Variants in MTBP observed in about 807,000 individuals in gnomAD.
MTBP encodes mdm2-binding protein.
In MTBP, 101 loss-of-function variants were observed where a neutral mutation model predicts 117.0. The observed-to-expected ratio is 0.86, with a 90% CI of 0.73 to 1.02. The LOEUF is 1.02. MTBP is among the 50% of genes least tolerant of loss of function. MTBP has a pLI of 0.00. For missense variants in MTBP, 970 were observed against 1,030.9 expected (o/e 0.94, Z 0.81); for synonymous variants, 350 against 351.5 (o/e 1.00, Z 0.05).
intron 20 of MTBP, among the ~76,000 whole-genome samples, chr8:120,520,960 A>C (rs1814999894): frequency 6.6e-6 from 1 of 152,144 alleles, no homozygotes; most frequent in African/African-American, 2.4e-5. Context: ...CTAGAAGATG[A>C]AGTTCAACAG....
intron 10 of MTBP, among the ~76,000 whole-genome samples, chr8:120,467,789 A>T (rs1813729897): frequency 6.6e-6 from 1 of 152,178 alleles, no homozygotes; most frequent in African/African-American, 2.4e-5. Flanking sequence ...TGACAATTTT[A>T]TTTTGTAGGG....
In MTBP at chr8:120,475,005, C is replaced by T. The variant is rs928107694; in HGVS notation, c.1165+4068C>T. 3.9e-5 allele frequency among the ~76,000 whole-genome samples: 6 copies of T among 152,116 alleles called. No individual in the cohort carries two copies. The East Asian group carries it at 7.7e-4, about 20-fold the overall frequency. ...CTGCTTTTTCAACAGATATTTTTATCGAGCACTTACAATATATTAGGCACT... is the reference window on the plus strand; with the variant it reads ...CTGCTTTTTCAACAGATATTTTTATTGAGCACTTACAATATATTAGGCACT... On this transcript the variant is annotated intron_variant, in intron 11 of 21. Transcript: ENST00000305949.
In MTBP at chr8:120,506,802, G is replaced by A; in HGVS notation, c.1824G>A (p.Lys608=). The A allele has an allele frequency of 6.2e-7, 1 of 1,613,572 alleles. No individual in the cohort carries two copies. Among genetic ancestry groups the A allele is most frequent in the Non-Finnish European group, 8.5e-7 (1 of 1,179,668 alleles). ...ITLLDAKELL[K]YFTSDGLPIG... is the part of the protein sequence containing the mutation. Reference sequence around the variant, plus strand: ...TGTTGGATGCTAAAGAATTGCTGAAGTACTTTACCTCAGATGGATTACCCA... The same window carrying A: ...TGTTGGATGCTAAAGAATTGCTGAAATACTTTACCTCAGATGGATTACCCA... The change falls in exon 16 of 22, where the codon AAG becomes AAA. Residue 608 remains lysine, a synonymous_variant. Transcript: ENST00000305949.
intron 5 of MTBP, among the ~76,000 whole-genome samples, chr8:120,454,727 C>G (rs1042660280): frequency 1.3e-5 from 2 of 151,970 alleles, no homozygotes; most frequent in Non-Finnish European, 2.9e-5. Context: ...AGTTGACAAA[C>G]GTATCAACTT....
At position 120,500,998 on chromosome 8, in the gene MTBP, T is replaced by C. The variant is rs548474206; in HGVS notation, c.1610-1494T>C. Among the ~76,000 whole-genome samples the C allele has an allele frequency of 8.5e-5, 13 of 152,226 alleles. No homozygotes were observed. The South Asian group carries it at 2.7e-3, about 32-fold the overall frequency. On this transcript the variant is annotated intron_variant, in intron 14 of 21. Coordinates refer to ENST00000305949, the MANE Select transcript of MTBP (RefSeq NM_022045.5). The stretch of plus-strand genomic sequence containing the variant: ...CGAGGTCAGGAGATCGAGACCATCC[T>C]GGCCAACATGGTGAAACCCCGTCCC...
chr8:120,473,764 A>G (rs369466605), intron 11 of MTBP: 1 of 152,140 alleles, frequency 6.6e-6, no homozygotes, highest in Non-Finnish European at 1.5e-5. Flanking sequence ...AAACAAAATC[A>G]GAAATAGATT....
chr8:120,477,082 C>T (rs1373062713), intron 11 of MTBP, among the ~76,000 whole-genome samples: 1 of 152,110 alleles, frequency 6.6e-6, no homozygotes, highest in Non-Finnish European at 1.5e-5. Context: ...GAACAGAAGC[C>T]TCAGAAATAA....
intron 14 of MTBP, among the ~76,000 whole-genome samples, 193 bp from the exon 15 acceptor site, chr8:120,502,299 G>A (rs1814601256): frequency 1.3e-5 from 2 of 151,944 alleles, no homozygotes; most frequent in South Asian, 2.1e-4. Context: ...ATTTTTATTT[G>A]CAACAAACAT....
At chr8:120,449,317 G>A (rs1813289361) in intron 2 of MTBP, among the ~76,000 whole-genome samples, 1 of 152,122 alleles carries the variant, frequency 6.6e-6, no homozygotes, top group Non-Finnish European at 1.5e-5. Flanking sequence ...AACCAGATTT[G>A]GAGGGAATAT....
Position 120,470,889 on chromosome 8 carries a change from T to G in MTBP, c.1117T>G (p.Ser373Ala). The G allele has an allele frequency of 6.2e-7, 1 of 1,612,272 alleles. No homozygotes were observed. Among genetic ancestry groups the G allele is most frequent in the Non-Finnish European group, 8.5e-7 (1 of 1,178,798 alleles). The stretch of plus-strand genomic sequence containing the variant: ...GATTCCACCTCCCAACCAACTCAGT[T>G]CAAGAAAATGGAAGGAATATATAGC... The part of the protein sequence containing the change: ...ILIPPPNQLS[S>A]RKWKEYIAKK... Residue 373 changes from serine (S) to alanine (A), a missense_variant, in exon 11 of 22, where the codon TCA becomes GCA. Coordinates refer to ENST00000305949, the MANE Select transcript of MTBP (RefSeq NM_022045.5).
chr8:120,492,513 A>C (rs550199444), intron 13 of MTBP, among the ~76,000 whole-genome samples: 172 of 152,332 alleles, frequency 1.1e-3, no homozygotes, highest in Middle Eastern at 6.8e-3. Context: ...GGAAAAAAAA[A>C]TAGTGGTTCA....
At chr8:120,462,752 G>A (rs889572820) in intron 9 of MTBP, among the ~76,000 whole-genome samples, 2 of 152,002 alleles carry the variant, frequency 1.3e-5, no homozygotes, top group East Asian at 1.9e-4. Flanking sequence ...AAGGAAAGTC[G>A]AGGACTGAGT....
In MTBP at chr8:120,490,504, G is replaced by T; in HGVS notation, c.1381G>T (p.Glu461Ter). 1 of 1,607,982 alleles carries T rather than the reference G, an allele frequency of 6.2e-7. No homozygotes were observed. ...ATTATCACTTCCACATTTTTCTGGG[G>T]AGCAGATTGTACAGAGAGAGAAACA... Reference protein sequence around the residue: ...DLLSLPHFSGEQIVQREKQLA... With the variant: ...DLLSLPHFSG Residue 461 changes from glutamate to a stop codon, truncating the protein, a stop_gained, in exon 13 of 22, where the codon GAG becomes TAG. Coordinates refer to ENST00000305949, the MANE Select transcript of MTBP (RefSeq NM_022045.5). LOFTEE classifies it high-confidence loss of function.
Position 120,451,291 on chromosome 8 carries a change from A to G in MTBP, c.394A>G (p.Ser132Gly), listed in dbSNP as rs1396432889. The change falls in exon 4 of 22, where the codon AGT becomes GGT. Residue 132 changes from serine (S) to glycine (G), a missense_variant. Coordinates refer to ENST00000305949, the MANE Select transcript of MTBP (RefSeq NM_022045.5). Reference protein sequence around the residue: ...GAVECFEEEDSNSRESLSLAD... With the variant: ...GAVECFEEEDGNSRESLSLAD... The stretch of plus-strand genomic sequence containing the variant: ...TGTTGAGTGTTTTGAAGAAGAAGAC[A>G]GTAATAGCAGGGAATCATTATCCTT... 5 of 1,613,174 alleles carry G rather than the reference A, an allele frequency of 3.1e-6. No individual in the cohort carries two copies. Among genetic ancestry groups the G allele is most frequent in the Non-Finnish European group, 4.2e-6 (5 of 1,179,484 alleles).
chr8:120,510,411 G>A (rs10101562), intron 17 of MTBP, among the ~76,000 whole-genome samples: 83,439 of 151,886 alleles, frequency 0.55, 25,341 homozygotes, highest in Non-Finnish European at 0.67. Context: ...TTTCCAAGAG[G>A]AAGACTTATA....
At chr8:120,480,389 G>A (rs1043376409) in intron 11 of MTBP, among the ~76,000 whole-genome samples, 33 of 151,928 alleles carry the variant, frequency 2.2e-4, no homozygotes, top group Admixed American at 5.9e-4. Context: ...CAGCCTGGGC[G>A]ACAGAGCGAG....
At chr8:120,518,124 C>A in intron 19 of MTBP, 24 bp downstream of exon 19, 2 of 1,598,060 alleles carry the variant, frequency 1.3e-6, no homozygotes, top group South Asian at 2.2e-5. Flanking sequence ...TCCCATTTTT[C>A]TTAGTTCTAC....
In MTBP at chr8:120,518,821, C is replaced by T. The variant is rs1289730825; in HGVS notation, c.2610+4C>T. ...AATCTCTAAGTTCTATCTAAAGGTA[C>T]GGTATCTTCTCTACTAATGGCAAAA... On this transcript the variant is annotated splice_donor_region_variant and intron_variant, in intron 20 of 21. Coordinates refer to ENST00000305949, the MANE Select transcript of MTBP (RefSeq NM_022045.5). 8.2e-6 allele frequency: 13 copies of T among 1,591,536 alleles called. No individual in the cohort carries two copies. The highest frequency in any genetic ancestry group is 6.7e-5 in the East Asian group (3 of 44,610).
chr8:120,509,174 G>A (rs1171084136), intron 16 of MTBP, among the ~76,000 whole-genome samples: 3 of 152,112 alleles, frequency 2.0e-5, no homozygotes, highest in Admixed American at 1.3e-4. Context: ...TGGGTCCCAC[G>A]TGTTTTAGTA....
Sources: gnomAD v4.1 joint callset for allele counts (sites outside exome capture counted in the v4.1 genomes callset) on GRCh38, gnomAD v4.1.1 for gene constraint, MANE v1.5 for transcripts, NCBI Gene and HGNC (gene_info 2026-07-23, HGNC 2026-07-21) for gene names.